Variants in ADD3 observed in about 807,000 individuals in gnomAD.
The protein encoded by ADD3 is adducin 3.
A neutral mutation model predicts 80.2 loss-of-function variants in ADD3; 25 were observed. The observed-to-expected ratio is 0.31, with a 90% CI of 0.23 to 0.44. ADD3 has a LOEUF of 0.44. Ranked by LOEUF, ADD3 falls within the 20% of genes least tolerant of loss-of-function variation. The pLI is 1.00. For missense variants in ADD3, 829 were observed against 847.5 expected, an observed-to-expected ratio of 0.98 and a Z score of 0.27; for synonymous variants, 284 against 289.6, an observed-to-expected ratio of 0.98 and a Z score of 0.20.
intron 1 of ADD3, among the ~76,000 whole-genome samples, chr10:110,059,826 A>G (rs1858669901): frequency 6.6e-6 from 1 of 152,192 alleles, no homozygotes; most frequent in Admixed American, 6.5e-5. Context: ...CTCAAAGGCC[A>G]AAGTTGGTTT....
chr10:110,059,927 A>G (rs1438208568), intron 1 of ADD3, among the ~76,000 whole-genome samples: 3 of 152,216 alleles, frequency 2.0e-5, no homozygotes, highest in Admixed American at 1.3e-4. Context: ...TCATGATGAA[A>G]GGTTATTCTG....
Position 110,124,152 on chromosome 10 carries a change from T to C in ADD3, c.1279T>C (p.Tyr427His). The change falls in exon 10 of 15, where the codon TAC becomes CAC. Residue 427 changes from tyrosine (Y) to histidine (H), a missense_variant. Coordinates refer to ENST00000356080, the MANE Select transcript of ADD3 (RefSeq NM_016824.5). ...TACAGTGCCACTCTCTCCTCTCAAATACATGGCACAGAGGCAACAGCGTGA... is the reference window on the plus strand; with the variant it reads ...TACAGTGCCACTCTCTCCTCTCAAACACATGGCACAGAGGCAACAGCGTGA... Reference protein sequence around the residue: ...DDTVPLSPLKYMAQRQQREKT... With the variant: ...DDTVPLSPLKHMAQRQQREKT... The C allele has an allele frequency of 6.2e-7, 1 of 1,614,088 alleles. No individual in the cohort carries two copies. Among genetic ancestry groups the C allele is most frequent in the African/African-American group, 1.3e-5 (1 of 75,012 alleles).
At chr10:110,033,671 G>A (rs1049935998) in intron 1 of ADD3, among the ~76,000 whole-genome samples, 4 of 152,130 alleles carry the variant, frequency 2.6e-5, no homozygotes, top group Non-Finnish European at 4.4e-5. Context: ...ATTCTCATAA[G>A]TGCTATATTA....
At chr10:110,056,065 A>G (rs1322006087) in intron 1 of ADD3, among the ~76,000 whole-genome samples, 1 of 152,194 alleles carries the variant, frequency 6.6e-6, no homozygotes, top group Non-Finnish European at 1.5e-5. Flanking sequence ...TTGTATTGCA[A>G]GCAGATTTTT....
At chr10:110,127,286 G>A (rs920868937) in intron 12 of ADD3, among the ~76,000 whole-genome samples, 1 of 151,890 alleles carries the variant, frequency 6.6e-6, no homozygotes, top group African/African-American at 2.4e-5. Flanking sequence ...TATTATTTGG[G>A]GTACATTGGC....
intron 3 of ADD3, 95 bp from the exon 4 acceptor site, chr10:110,116,164 G>T: frequency 8.5e-7 from 1 of 1,176,388 alleles, no homozygotes; most frequent in East Asian, 2.4e-5. Flanking sequence ...ATACAAGGCT[G>T]GGATACTCCC....
At chr10:110,015,509 G>A (rs1427518512) in intron 1 of ADD3, among the ~76,000 whole-genome samples, 3 of 151,594 alleles carry the variant, frequency 2.0e-5, no homozygotes, top group African/African-American at 7.3e-5. Context: ...CCAAGCAGCT[G>A]GAACTACAAG....
intron 1 of ADD3, among the ~76,000 whole-genome samples, chr10:110,081,848 A>C (rs1846093413): frequency 6.6e-6 from 1 of 152,234 alleles, no homozygotes; most frequent in Non-Finnish European, 1.5e-5. Context: ...AATTCTTCAT[A>C]GTTAGAAATA....
chr10:110,040,877 G>A (rs187343114), intron 1 of ADD3, among the ~76,000 whole-genome samples: 15 of 152,074 alleles, frequency 9.9e-5, no homozygotes, highest in Admixed American at 3.3e-4. Context: ...TTTCTGGCAT[G>A]GAGAAAGAAA....
At chr10:109,997,359 T>C (rs1415701387) in intron 1 of ADD3, among the ~76,000 whole-genome samples, 3 of 152,182 alleles carry the variant, frequency 2.0e-5, no homozygotes, top group Non-Finnish European at 2.9e-5. Flanking sequence ...CAAAGGAATA[T>C]TGGGGCACCC....
rs551981843 is a variant in ADD3, at chr10:110,089,292, C to T, written c.-29-11333C>T. On this transcript the variant is annotated intron_variant, in intron 1 of 14. Coordinates refer to ENST00000356080, the MANE Select transcript of ADD3 (RefSeq NM_016824.5). ...TAAAAATAATAATTTCTAGTGATTC[C>T]TCTTTTTAAAACCTCTCATTTATCA... Among the ~76,000 whole-genome samples, 9 of 152,224 alleles carry T rather than the reference C, an allele frequency of 5.9e-5. No homozygotes were observed. The South Asian group carries it at 1.9e-3, about 32-fold the overall frequency.
chr10:110,049,409 C>G (rs1029187899), intron 1 of ADD3, among the ~76,000 whole-genome samples: 3 of 152,178 alleles, frequency 2.0e-5, no homozygotes, highest in Non-Finnish European at 4.4e-5. Context: ...GATCCACTGA[C>G]AGCTTGCACC....
At chr10:110,084,153 G>A (rs377307055) in intron 1 of ADD3, among the ~76,000 whole-genome samples, 2 of 152,120 alleles carry the variant, frequency 1.3e-5, no homozygotes, top group Non-Finnish European at 2.9e-5. Flanking sequence ...GTGTGAGTGG[G>A]CACAAAAAGC....
At chr10:110,033,940 C>G (rs990242649) in intron 1 of ADD3, among the ~76,000 whole-genome samples, 1 of 152,206 alleles carries the variant, frequency 6.6e-6, no homozygotes, top group African/African-American at 2.4e-5. Context: ...AAACTACTTT[C>G]TGTACCATCT....
At chr10:110,117,619 G>T (rs1447895521) in intron 5 of ADD3, among the ~76,000 whole-genome samples, 197 bp downstream of exon 5, 1 of 151,698 alleles carries the variant, frequency 6.6e-6, no homozygotes, top group Non-Finnish European at 1.5e-5. Context: ...TAATAAATGA[G>T]TTGGTCTTAT....
At chr10:110,015,168 A>T (rs1042799547) in intron 1 of ADD3, among the ~76,000 whole-genome samples, 1 of 152,112 alleles carries the variant, frequency 6.6e-6, no homozygotes, top group Non-Finnish European at 1.5e-5. Flanking sequence ...ACTAAAAGGA[A>T]TTTTTTTCTT....
intron 1 of ADD3, among the ~76,000 whole-genome samples, chr10:110,060,675 CTCTG>C (rs1227578135): frequency 6.6e-6 from 1 of 152,214 alleles, no homozygotes; most frequent in Non-Finnish European, 1.5e-5. Context: ...GGATTTTGCA[CTCTG>C]TCTGAGCCTA....
rs1850733738 is a variant in ADD3, at chr10:110,116,426, T to C, written c.486+16T>C. 1 of 1,611,086 alleles carries C rather than the reference T, an allele frequency of 6.2e-7. No individual in the cohort carries two copies. Among genetic ancestry groups the C allele is most frequent in the South Asian group, 1.1e-5 (1 of 90,612 alleles). On this transcript the variant is annotated intron_variant, in intron 4 of 14. Coordinates refer to ENST00000356080, the MANE Select transcript of ADD3 (RefSeq NM_016824.5). ...CTATATCTCAGTGAGTTCTTCAGCT[T>C]TCAATTCCTTTTTTAAAAAATTCCA... is the stretch of plus-strand genomic sequence containing the variant.
At chr10:110,106,974 A>G (rs182499207) in intron 2 of ADD3, among the ~76,000 whole-genome samples, 174 of 152,252 alleles carry the variant, frequency 1.1e-3, no homozygotes, top group African/African-American at 4.0e-3. Flanking sequence ...TTTTCTAGCT[A>G]ATAACCTATG....
Sources: allele counts gnomAD v4.1 joint callset (sites outside exome capture counted in the v4.1 genomes callset), GRCh38; gene constraint gnomAD v4.1.1; transcripts MANE v1.5; gene names NCBI Gene and HGNC (gene_info 2026-07-23, HGNC 2026-07-21).